Variants in SLC25A23 observed in about 807,000 individuals in gnomAD.
The protein encoded by SLC25A23 is solute carrier family 25 member 23.
A neutral mutation model predicts 53.9 loss-of-function variants in SLC25A23; 32 were observed. That is an observed-to-expected ratio of 0.59 (90% CI 0.45 to 0.80). The LOEUF (loss-of-function observed/expected upper bound fraction) is 0.80. Ranked by LOEUF, SLC25A23 falls within the 30% of genes least tolerant of loss-of-function variation. The probability of loss-of-function intolerance (pLI) is 0.00; values close to 1 mark genes in which losing one functional copy is unlikely to be tolerated. For missense variants in SLC25A23, 575 were observed against 651.4 expected, an observed-to-expected ratio of 0.88 and a Z score of 1.28; for synonymous variants, 275 against 264.5, an observed-to-expected ratio of 1.04 and a Z score of -0.38.
At position 6,458,261 on chromosome 19, in the gene SLC25A23, A is replaced by C. The variant is rs757707891; in HGVS notation, c.220T>G (p.Tyr74Asp). 6.2e-7 allele frequency: 1 copy of C among 1,613,678 alleles called. No homozygotes were observed. Among genetic ancestry groups the C allele is most frequent in the Non-Finnish European group, 8.5e-7 (1 of 1,179,992 alleles). The change falls in exon 2 of 10, where the codon TAT (tyrosine) becomes GAT (aspartate). Residue 74 changes from tyrosine (Y) to aspartate (D), a missense_variant. Physicochemically the swap from Tyr to Asp is radical, Grantham distance 160. Transcript: ENST00000301454. Reference protein sequence around the residue: ...GGLDLEEFSRYLQEREQRLLL... With the variant: ...GGLDLEEFSRDLQEREQRLLL... ...AGACGCTGTTCCCGCTCCTGCAGATAGCGGGAAAATTCCTCCAGGTCGAGC... is the reference window on the plus strand; with the variant it reads ...AGACGCTGTTCCCGCTCCTGCAGATCGCGGGAAAATTCCTCCAGGTCGAGC...
downstream of SLC25A23, among the ~76,000 whole-genome samples, chr19:6,439,399 T>TCTCACA (rs1196510603): frequency 8.7e-3 from 1,078 of 124,086 alleles, 7 homozygotes; most frequent in South Asian, 0.032. Flanking sequence ...TCTCTCTCTC[T>TCTCACA]CACACACACA....
rs367895517 is a variant in SLC25A23 at position 6,456,523 on chromosome 19, C to T, written c.380G>A (p.Arg127Gln). 9.3e-6 allele frequency: 15 copies of T among 1,612,584 alleles called. No homozygotes were observed. Among genetic ancestry groups the T allele is most frequent in the East Asian group, 6.7e-5 (3 of 44,848 alleles). The change falls in exon 4 of 10, where the codon CGA becomes CAA. Residue 127 changes from arginine to glutamine, a missense_variant. Arg to Gln is a conservative substitution (Grantham distance 43). Transcript: ENST00000301454. ...CCAGTCAATGGTCATTGTGCCGTCTCGGTCCATGCTGGGGGGAAGAAAGGG... is the reference window on the plus strand; with the variant it reads ...CCAGTCAATGGTCATTGTGCCGTCTTGGTCCATGCTGGGGGGAAGAAAGGG... ...QAEKILHSMD[R>Q]DGTMTIDWQE...
chr19:6,458,081 G>A (rs1288581377), intron 2 of SLC25A23, 117 bp downstream of exon 2: 42 of 1,340,370 alleles, frequency 3.1e-5, no homozygotes, highest in South Asian at 1.3e-4. Flanking sequence ...ATGAGTCATC[G>A]GGGAGAAGCG....
intron 8 of SLC25A23, among the ~76,000 whole-genome samples, chr19:6,446,273 G>T (rs2092503322): frequency 6.6e-6 from 1 of 152,060 alleles, no homozygotes; most frequent in African/African-American, 2.4e-5. Flanking sequence ...TGAGGCAGGA[G>T]AATCGCCTGA....
rs1355796716 is a variant in SLC25A23 at position 6,454,344 on chromosome 19, G to C, written c.774C>G (p.Ile258Met). The C allele has an allele frequency of 2.5e-6, 4 of 1,614,128 alleles. No homozygotes were observed. The highest frequency in any genetic ancestry group is 3.4e-6 in the Non-Finnish European group (4 of 1,179,992). ...TCACCTGTTCATAGGCCATGAACTT[G>C]ATAGCTGACTCGGGGGCAATCTTGA... ...NVLKIAPESA[I>M]KFMAYEQIKR... is the part of the protein sequence containing the mutation. The change falls in exon 6 of 10, where the codon ATC becomes ATG. Residue 258 changes from isoleucine (I) to methionine (M), a missense_variant. Physicochemically the swap from Ile to Met is conservative, Grantham distance 10. Coordinates refer to ENST00000301454, the MANE Select transcript of SLC25A23 (RefSeq NM_024103.3). This position sits in a 1 kb window ranked among gnomAD's most constrained non-coding sequence, Gnocchi z 4.3.
Position 6,455,707 on chromosome 19 carries a change from GTTTTTT to G in SLC25A23, c.483+707_483+712del, listed in dbSNP as rs529957147. Among the ~76,000 whole-genome samples the G allele has an allele frequency of 5.7e-4, 71 of 124,942 alleles. 1 individual carries two copies. Among genetic ancestry groups the G allele is most frequent in the African/African-American group, 2.1e-3 (70 of 32,626 alleles). 82.0% of individuals were successfully genotyped at this position (124,942 alleles called of 152,430 possible). On this transcript the variant is annotated intron_variant, in intron 4 of 9. Transcript: ENST00000301454. The stretch of plus-strand genomic sequence containing the variant: ...TCCCATTGGATCCTCTGAAGACCGT[GTTTTTT>G]TTTTTTTTTTTTTTTTTTTTTTGAG...
chr19:6,450,223 C>T (rs558652432), intron 8 of SLC25A23, among the ~76,000 whole-genome samples: 2 of 151,732 alleles, frequency 1.3e-5, no homozygotes, highest in Non-Finnish European at 2.9e-5. Context: ...CCTGATCAGT[C>T]CCCCCCAGAC....
chr19:6,454,208 T>C lies in SLC25A23; in HGVS notation c.795+115A>G. ...GCAGGCATTCATGCAGAGGAGCAGA[T>C]GCCTGATCCTGGGGACCTGTGTTCA... On this transcript the variant is annotated intron_variant, in intron 6 of 9. Coordinates refer to ENST00000301454, the MANE Select transcript of SLC25A23 (RefSeq NM_024103.3). This position sits in a 1 kb window ranked among gnomAD's most constrained non-coding sequence, Gnocchi z 4.3. 6.7e-7 allele frequency: 1 copy of C among 1,503,356 alleles called. No homozygotes were observed. Among genetic ancestry groups the C allele is most frequent in the Non-Finnish European group, 9.0e-7 (1 of 1,106,892 alleles). 93.1% of individuals were successfully genotyped at this position (1,503,356 alleles called of 1,614,324 possible). A position where few individuals can be genotyped will look rare whatever the true frequency, so the allele number is the denominator to read the frequency against.
At position 6,442,075 on chromosome 19, in the gene SLC25A23, C is replaced by G. The variant is rs374703723; in HGVS notation, c.1307G>C (p.Arg436Pro). The change falls in exon 10 of 10, where the codon CGG (arginine) becomes CCG (proline). Residue 436 changes from arginine (R) to proline (P), a missense_variant. By Grantham distance (103) the Arg-to-Pro change is moderately radical (BLOSUM62 -2). Coordinates refer to ENST00000301454, the MANE Select transcript of SLC25A23 (RefSeq NM_024103.3). Reference protein sequence around the residue: ...LSQEGMRGLYRGIAPNFMKVI... With the variant: ...LSQEGMRGLYPGIAPNFMKVI... ...CTTCATGAAGTTGGGGGCGATCCCC[C>G]GGTAGAGGCCCCGCATGCCCTCCTG... 8.9e-6 allele frequency: 14 copies of G among 1,576,796 alleles called. No homozygotes were observed. The highest frequency in any genetic ancestry group is 1.2e-5 in the Non-Finnish European group (14 of 1,157,520).
At chr19:6,452,511 T>C in intron 7 of SLC25A23, 32 bp from the exon 8 acceptor site, 1 of 1,579,298 alleles carries the variant, frequency 6.3e-7, no homozygotes, top group African/African-American at 1.4e-5. Flanking sequence ...CTGGAAAAGC[T>C]GTCCCACCAA....
At position 6,454,491 on chromosome 19, in the gene SLC25A23, A is replaced by G. The variant is rs2092646546; in HGVS notation, c.643-16T>C. The G allele has an allele frequency of 6.2e-7, 1 of 1,613,730 alleles. No individual in the cohort carries two copies. On this transcript the variant is annotated splice_polypyrimidine_tract_variant and intron_variant, in intron 5 of 9. Coordinates refer to ENST00000301454, the MANE Select transcript of SLC25A23 (RefSeq NM_024103.3). The surrounding 1 kb of genome is among the most constrained non-coding windows in gnomAD (Gnocchi z 4.3). ...AGGCATGGACCTGAATGGGGAGACA[A>G]CAGCTTGGAGGTCCCCTCCCAGGTG...
rs753590865 is a variant in SLC25A23 at position 6,459,447 on chromosome 19, G to A, written c.156+26C>T. 6 of 1,571,578 alleles carry A rather than the reference G, an allele frequency of 3.8e-6. No homozygotes were observed. The highest frequency in any genetic ancestry group is 1.1e-5 in the South Asian group (1 of 88,034). ...CCGGGAGCGGGCGGGGCCGGGAGGGGAGGAGGTCCCTGGGGGTGGGGGTAC... is the reference window on the plus strand; with the variant it reads ...CCGGGAGCGGGCGGGGCCGGGAGGGAAGGAGGTCCCTGGGGGTGGGGGTAC... On this transcript the variant is annotated intron_variant, in intron 1 of 9. Coordinates refer to ENST00000301454, the MANE Select transcript of SLC25A23 (RefSeq NM_024103.3). The surrounding 1 kb of genome is among the most constrained non-coding windows in gnomAD (Gnocchi z 4.6).
chr19:6,445,551 T>C (rs1243363092), intron 8 of SLC25A23, among the ~76,000 whole-genome samples: 2 of 152,128 alleles, frequency 1.3e-5, no homozygotes, highest in Non-Finnish European at 2.9e-5. Flanking sequence ...CTAGAAGCTT[T>C]TTCAAGGCAA....
At chr19:6,453,121 A>G (rs2092617351) in intron 7 of SLC25A23, among the ~76,000 whole-genome samples, 1 of 152,080 alleles carries the variant, frequency 6.6e-6, no homozygotes, top group Non-Finnish European at 1.5e-5. Flanking sequence ...AAGCAGCCAC[A>G]TTGGTCCATG....
rs1005677721 is a variant in SLC25A23, at chr19:6,440,228, C to T, written c.*1747G>A. On this transcript the variant is annotated 3_prime_UTR_variant, in exon 10 of 10. Coordinates refer to ENST00000301454, the MANE Select transcript of SLC25A23 (RefSeq NM_024103.3). ...TTTCCAAGTCCCTCCATGGGGTCTC[C>T]AGATGATCCTAAGCTCAGAATCCAA... is the stretch of plus-strand genomic sequence containing the variant. 1 of 152,528 alleles carries T rather than the reference C, an allele frequency of 6.6e-6. No homozygotes were observed. Among genetic ancestry groups the T allele is most frequent in the Non-Finnish European group, 1.5e-5 (1 of 68,024 alleles). 9.4% of individuals were successfully genotyped at this position (152,528 alleles called of 1,614,324 possible). A position where few individuals can be genotyped will look rare whatever the true frequency, so the allele number is the denominator to read the frequency against.
intron 8 of SLC25A23, among the ~76,000 whole-genome samples, chr19:6,449,345 T>C (rs1376905477): frequency 6.6e-6 from 1 of 151,490 alleles, no homozygotes; most frequent in Admixed American, 6.6e-5. Flanking sequence ...CTCTGCGTAC[T>C]GGGCTCAAGC....
At chr19:6,443,406 T>A (rs948569238) in intron 9 of SLC25A23, among the ~76,000 whole-genome samples, 8 of 152,078 alleles carry the variant, frequency 5.3e-5, no homozygotes, top group African/African-American at 9.7e-5. Context: ...CTTCATTTTT[T>A]AAAAAAAGAT....
In SLC25A23 at chr19:6,447,987, A is replaced by G. The variant is rs80334623; in HGVS notation, c.1072-3686T>C. 7.6e-3 allele frequency among the ~76,000 whole-genome samples: 1,160 copies of G among 152,174 alleles called. 14 individuals carry two copies. The highest frequency in any genetic ancestry group is 0.027 in the African/African-American group (1,105 of 41,510). ...TGCCCGGCCCTATTATCTCTATTTT[A>G]TAGAAAAGAAACTGAGGCTCGGGAA... is the stretch of plus-strand genomic sequence containing the variant. On this transcript the variant is annotated intron_variant, in intron 8 of 9. Transcript: ENST00000301454.
downstream of SLC25A23, chr19:6,438,192 T>G (rs2092358751): frequency 6.6e-6 from 1 of 152,342 alleles, no homozygotes; most frequent in Non-Finnish European, 1.5e-5. Flanking sequence ...GGTGTGCACC[T>G]GTAATCCCAG....
Sources: allele counts gnomAD v4.1 joint callset (sites outside exome capture counted in the v4.1 genomes callset), GRCh38; gene constraint gnomAD v4.1.1; non-coding constraint Gnocchi (gnomAD v3.1); transcripts MANE v1.5; gene names NCBI Gene and HGNC (gene_info 2026-07-23, HGNC 2026-07-21).